The following CEP128 variants were observed in gnomAD, a reference collection of about 807,000 sequenced individuals.
The protein encoded by CEP128 is centrosomal protein 128kDa.
CEP128 carries 132 observed loss-of-function variants against 156.7 expected under a neutral mutation model. The ratio of observed to expected loss-of-function variants is 0.84; its 90% confidence interval spans 0.73 to 0.97. CEP128 has a LOEUF of 0.97. Ranked by LOEUF, CEP128 falls within the 50% of genes least tolerant of loss-of-function variation. The pLI is 0.00. For synonymous variants in CEP128, 469 were observed against 448.9 expected (o/e 1.04, Z -0.57); for missense variants, 1,252 against 1,281.9 (o/e 0.98, Z 0.36).
intron 19 of CEP128, among the ~76,000 whole-genome samples, chr14:80,673,596 A>G (rs1440674159): frequency 1.7e-5 from 2 of 119,652 alleles, no homozygotes; most frequent in Admixed American, 2.2e-4. Context: ...CAGTGAGCCG[A>G]GATCCCGCCA....
intron 19 of CEP128, among the ~76,000 whole-genome samples, chr14:80,696,472 T>C (rs1896895379): frequency 6.6e-6 from 1 of 152,176 alleles, no homozygotes; most frequent in South Asian, 2.1e-4. Flanking sequence ...CTGAAATCTC[T>C]ATTTAGGAAA....
In CEP128 at chr14:80,843,078, T is replaced by C. The variant is rs959910275; in HGVS notation, c.763-2310A>G. ...GGTAGTTTTTCTTTTCAGAGAGTAGTAAAAAGGGGAAAAGAAAAATGTTTG... is the reference window on the plus strand; with the variant it reads ...GGTAGTTTTTCTTTTCAGAGAGTAGCAAAAAGGGGAAAAGAAAAATGTTTG... On this transcript the variant is annotated intron_variant, in intron 9 of 24. Transcript: ENST00000555265. 2.0e-5 allele frequency among the ~76,000 whole-genome samples: 3 copies of C among 151,916 alleles called. No homozygotes were observed. The East Asian group carries it at 5.8e-4, about 29-fold the overall frequency.
chr14:80,799,205 C>T (rs568990091), intron 13 of CEP128, among the ~76,000 whole-genome samples: 1 of 152,182 alleles, frequency 6.6e-6, no homozygotes, highest in African/African-American at 2.4e-5. Context: ...GGACCCCAAA[C>T]GGAGGGACTG....
At chr14:80,570,114 T>A (rs996224142) in intron 20 of CEP128, among the ~76,000 whole-genome samples, 13 of 152,272 alleles carry the variant, frequency 8.5e-5, no homozygotes, top group African/African-American at 3.1e-4. Flanking sequence ...TTTTAACATA[T>A]GTTCTTTTTA....
At position 80,882,365 on chromosome 14, in the gene CEP128, G is replaced by A. The variant is rs117212590; in HGVS notation, c.645+13353C>T. Among the ~76,000 whole-genome samples, 922 of 152,190 alleles carry A rather than the reference G, an allele frequency of 6.1e-3. 9 individuals carry two copies. The highest frequency in any genetic ancestry group is 8.0e-3 in the Non-Finnish European group (547 of 68,006). ...GAGAAATACAAATCAAAACTACAAG[G>A]AGATATCATCTTACCCCAGTTAAAA... On this transcript the variant is annotated intron_variant, in intron 8 of 24. Coordinates refer to ENST00000555265, the MANE Select transcript of CEP128 (RefSeq NM_152446.5).
In CEP128 at chr14:80,634,518, A is replaced by G. The variant is rs548649686; in HGVS notation, c.2807-54095T>C. Reference sequence around the variant, plus strand: ...GTAATATTTTTGAATATATTTTTCAATATTTTGTATTTCACAATTGGTGAG... The same window carrying G: ...GTAATATTTTTGAATATATTTTTCAGTATTTTGTATTTCACAATTGGTGAG... On this transcript the variant is annotated intron_variant, in intron 19 of 24. Coordinates refer to ENST00000555265, the MANE Select transcript of CEP128 (RefSeq NM_152446.5). Among the ~76,000 whole-genome samples the G allele has an allele frequency of 1.8e-4, 27 of 152,284 alleles. No individual in the cohort carries two copies. In the South Asian group the frequency reaches 5.0e-3, roughly 28 times the overall value.
chr14:80,742,934 A>G, intron 19 of CEP128, 141 bp downstream of exon 19: 1 of 695,922 alleles, frequency 1.4e-6, no homozygotes, highest in Non-Finnish European at 2.4e-6. Flanking sequence ...ATGAAGAAAG[A>G]TAAGAAGACA....
intron 2 of CEP128, among the ~76,000 whole-genome samples, chr14:80,936,394 G>A (rs1337554850): frequency 6.6e-6 from 1 of 152,090 alleles, no homozygotes; most frequent in Admixed American, 6.6e-5. Context: ...AAGAAAGAGA[G>A]AAAGAGAGGA....
chr14:80,823,906 C>T (rs1202003307), intron 13 of CEP128, among the ~76,000 whole-genome samples: 3 of 152,266 alleles, frequency 2.0e-5, no homozygotes, highest in East Asian at 1.9e-4. Context: ...TCCAACCCCA[C>T]ATTTCCCTTC....
intron 19 of CEP128, among the ~76,000 whole-genome samples, chr14:80,712,559 T>A (rs1016493374): frequency 2.6e-5 from 4 of 152,110 alleles, no homozygotes; most frequent in Non-Finnish European, 5.9e-5. Context: ...TAGGTTGGGG[T>A]ATTCTGGGGT....
intron 20 of CEP128, among the ~76,000 whole-genome samples, chr14:80,565,937 T>C (rs150777006): frequency 6.6e-6 from 1 of 152,184 alleles, no homozygotes; most frequent in Admixed American, 6.5e-5. Flanking sequence ...TTTAAAGATA[T>C]CATTAGCATA....
At chr14:80,496,077 C>G (rs1260291898), downstream of CEP128, among the ~76,000 whole-genome samples, 1 of 152,032 alleles carries the variant, frequency 6.6e-6, no homozygotes, top group Non-Finnish European at 1.5e-5. Context: ...GTTGTCTAAC[C>G]CCAAATTTCT....
At chr14:80,753,693 C>A (rs1273799675) in intron 18 of CEP128, among the ~76,000 whole-genome samples, 3 of 152,152 alleles carry the variant, frequency 2.0e-5, no homozygotes, top group African/African-American at 4.8e-5. Context: ...TCTCTTGGGG[C>A]CTTCCTGTCC....
intron 18 of CEP128, among the ~76,000 whole-genome samples, chr14:80,753,465 C>T (rs1303275850): frequency 6.6e-6 from 1 of 152,192 alleles, no homozygotes; most frequent in Non-Finnish European, 1.5e-5. Flanking sequence ...TGTGGAAGCA[C>T]AGCTAATATT....
chr14:80,788,776 T>C (rs1313151453), intron 14 of CEP128, among the ~76,000 whole-genome samples: 3 of 152,188 alleles, frequency 2.0e-5, no homozygotes, highest in East Asian at 1.9e-4. Flanking sequence ...ATTTTACTTA[T>C]GGCTCCTTAT....
intron 14 of CEP128, among the ~76,000 whole-genome samples, chr14:80,478,815 T>A (rs1886995829): frequency 6.6e-6 from 1 of 152,228 alleles, no homozygotes; most frequent in African/African-American, 2.4e-5. Flanking sequence ...TTTCTATGTA[T>A]CTGAACTGGC....
intron 14 of CEP128, among the ~76,000 whole-genome samples, chr14:80,787,373 T>G (rs921288093): frequency 1.3e-5 from 2 of 152,160 alleles, no homozygotes; most frequent in African/African-American, 4.8e-5. Context: ...CCTTGGCTCA[T>G]GGACTCTGCC....
intron 20 of CEP128, among the ~76,000 whole-genome samples, chr14:80,569,686 T>C (rs1293684889): frequency 6.6e-6 from 1 of 152,228 alleles, no homozygotes; most frequent in East Asian, 1.9e-4. Context: ...GTTAAACTAG[T>C]TCATTCTAAA....
At chr14:80,666,197 G>C (rs548843014) in intron 19 of CEP128, among the ~76,000 whole-genome samples, 1 of 152,270 alleles carries the variant, frequency 6.6e-6, no homozygotes, top group Admixed American at 6.5e-5. Flanking sequence ...TAAAACAATA[G>C]TATGAAAAGA....
Sources: gnomAD v4.1 joint callset for allele counts (sites outside exome capture counted in the v4.1 genomes callset) on GRCh38, gnomAD v4.1.1 for gene constraint, MANE v1.5 for transcripts, NCBI Gene and HGNC (gene_info 2026-07-23, HGNC 2026-07-21) for gene names.